The following ESRP1 variants were observed in gnomAD, a reference collection of about 807,000 sequenced individuals.
ESRP1 encodes the protein epithelial splicing regulatory protein 1, also known as RNA-binding motif protein 35A.
A neutral mutation model predicts 81.7 loss-of-function variants in ESRP1; 33 were observed. The observed-to-expected ratio is 0.40, with a 90% CI of 0.31 to 0.54. ESRP1 has a LOEUF of 0.54. Ranked by LOEUF, ESRP1 falls within the 20% of genes least tolerant of loss-of-function variation. The pLI is 0.41. For synonymous variants in ESRP1, 320 were observed against 303.3 expected (o/e 1.06, Z -0.57); for missense variants, 672 against 833.1 (o/e 0.81, Z 2.38).
At chr8:94,641,660 G>A (rs1003984499) in intron 1 of ESRP1, 1 of 765,530 alleles carries the variant, frequency 1.3e-6, no homozygotes, top group Non-Finnish European at 2.0e-6. Context: ...ACTTAGCTCA[G>A]GTGGAGAGGC....
chr8:94,692,412 C>G (rs1408760878), intron 13 of ESRP1, among the ~76,000 whole-genome samples: 1 of 152,102 alleles, frequency 6.6e-6, no homozygotes, highest in Non-Finnish European at 1.5e-5. Flanking sequence ...AGGCTTACTT[C>G]TGTCCTTCTC....
chr8:94,646,663 AT>A (rs992714424), intron 4 of ESRP1, among the ~76,000 whole-genome samples: 2 of 152,098 alleles, frequency 1.3e-5, no homozygotes, highest in Admixed American at 6.6e-5. Flanking sequence ...GAAGTCAATA[AT>A]TTTTTTAATT....
intron 3 of ESRP1, among the ~76,000 whole-genome samples, chr8:94,644,387 T>G (rs923296342): frequency 1.2e-4 from 18 of 152,206 alleles, no homozygotes; most frequent in Non-Finnish European, 2.9e-5. Context: ...GGCAAGTAAG[T>G]GCAGATTTTA....
In ESRP1 at chr8:94,641,255, G is replaced by C; in HGVS notation, c.-64G>C. ...AAGAGGGTTTAGCACAGGTTTTTTC[G>C]TTCTCACTTCCACACCACCTTACCG... On this transcript the variant is annotated 5_prime_UTR_variant, in exon 1 of 16. Coordinates refer to ENST00000433389, the MANE Select transcript of ESRP1 (RefSeq NM_017697.4). 1 of 1,515,990 alleles carries C rather than the reference G, an allele frequency of 6.6e-7. No homozygotes were observed. Among genetic ancestry groups the C allele is most frequent in the South Asian group, 1.2e-5 (1 of 83,288 alleles). 93.9% of individuals were successfully genotyped at this position (1,515,990 alleles called of 1,614,324 possible).
At chr8:94,691,281 C>CA (rs1050984587) in intron 13 of ESRP1, among the ~76,000 whole-genome samples, 4 of 151,972 alleles carry the variant, frequency 2.6e-5, no homozygotes, top group African/African-American at 9.6e-5. Flanking sequence ...AACAAACAAA[C>CA]AAAAAAACAC....
At chr8:94,681,488 G>A (rs540052610) in intron 13 of ESRP1, among the ~76,000 whole-genome samples, 2 of 151,712 alleles carry the variant, frequency 1.3e-5, no homozygotes, top group East Asian at 1.9e-4. Flanking sequence ...AATACAAAAA[G>A]TAGCTGGGTG....
At chr8:94,654,411 G>A (rs1475707060) in intron 4 of ESRP1, among the ~76,000 whole-genome samples, 1 of 152,046 alleles carries the variant, frequency 6.6e-6, no homozygotes, top group Non-Finnish European at 1.5e-5. Context: ...TGTTACCAAG[G>A]AGTCTCCTTT....
intron 11 of ESRP1, among the ~76,000 whole-genome samples, chr8:94,673,986 G>T (rs16916972): frequency 0.056 from 8,483 of 152,240 alleles, 306 homozygotes; most frequent in East Asian, 0.17. Flanking sequence ...AAAAAAACTA[G>T]TATACGATCC....
At chr8:94,641,860 A>G in intron 1 of ESRP1, 96 bp from the exon 2 acceptor site, 3 of 1,541,634 alleles carry the variant, frequency 1.9e-6, no homozygotes, top group South Asian at 1.2e-5. Context: ...ACCCCAAGAG[A>G]GGCGCGGGCC....
intron 4 of ESRP1, among the ~76,000 whole-genome samples, chr8:94,660,678 T>C (rs10107170): frequency 1 from 139,294 of 139,296 alleles, 69,646 homozygotes; most frequent in Middle Eastern, 1. Context: ...TGCCACTGCA[T>C]TCCAGCCTGG....
At chr8:94,667,068 G>GGGGTGTGTGTGTGTGT (rs1554577644) in intron 9 of ESRP1, among the ~76,000 whole-genome samples, 6,491 of 144,238 alleles carry the variant, frequency 0.045, 193 homozygotes, top group Non-Finnish European at 0.065. Context: ...CCAGGAGAGG[G>GGGGTGTGTGTGTGTGT]GTGTGTGTGT....
At chr8:94,648,986 C>T (rs999086568) in intron 4 of ESRP1, among the ~76,000 whole-genome samples, 14 of 152,100 alleles carry the variant, frequency 9.2e-5, no homozygotes, top group African/African-American at 3.1e-4. Flanking sequence ...TTTGGGAGGC[C>T]GAGGCAGGTG....
rs184789765 is a variant in ESRP1, at chr8:94,677,465, G to A, written c.1652-738G>A. 2.0e-3 allele frequency among the ~76,000 whole-genome samples: 298 copies of A among 152,326 alleles called. 2 individuals are homozygous for A. Among genetic ancestry groups the A allele is most frequent in the Admixed American group, 5.3e-3 (81 of 15,306 alleles). On this transcript the variant is annotated intron_variant, in intron 12 of 15. Coordinates refer to ENST00000433389, the MANE Select transcript of ESRP1 (RefSeq NM_017697.4). ...CCTAGAAGATGTTTGATAACCAGAA[G>A]ACAATGCAGTTGGGGCCCATTTTTT... is the stretch of plus-strand genomic sequence containing the variant.
At position 94,692,712 on chromosome 8, in the gene ESRP1, C is replaced by T; in HGVS notation, c.1856C>T (p.Pro619Leu). 2 of 1,613,958 alleles carry T rather than the reference C, an allele frequency of 1.2e-6. No individual in the cohort carries two copies. Among genetic ancestry groups the T allele is most frequent in the East Asian group, 4.5e-5 (2 of 44,882 alleles). The change falls in exon 14 of 16, where the codon CCT becomes CTT. Residue 619 changes from proline to leucine, a missense_variant. Physicochemically the swap from Pro to Leu is moderately conservative, Grantham distance 98 (BLOSUM62 -3). Transcript: ENST00000433389. ...TCGCCTAATAGTCTTGGCTACTTCC[C>T]TACAGCTGCTAATCTTAGCGGTGTC... ...PGSPNSLGYF[P>L]TAANLSGVPP...
chr8:94,699,308 A>G (rs1252931351), intron 15 of ESRP1, among the ~76,000 whole-genome samples: 1 of 152,120 alleles, frequency 6.6e-6, no homozygotes, highest in Admixed American at 6.5e-5. Flanking sequence ...TCATCATAAT[A>G]AAGTCAGGTT....
At chr8:94,667,866 G>A in intron 9 of ESRP1, 83 bp from the exon 10 acceptor site, 1 of 1,184,320 alleles carries the variant, frequency 8.4e-7, no homozygotes, top group Non-Finnish European at 1.2e-6. Flanking sequence ...CAAGACATTG[G>A]CAGGACTTTT....
At chr8:94,642,764 C>G (rs976411336) in intron 2 of ESRP1, among the ~76,000 whole-genome samples, 2 of 152,062 alleles carry the variant, frequency 1.3e-5, no homozygotes, top group Non-Finnish European at 2.9e-5. Context: ...TCGGGTAGGG[C>G]GGGGCGCTAA....
At chr8:94,663,601 G>A (rs1818867974) in intron 6 of ESRP1, among the ~76,000 whole-genome samples, 1 of 152,176 alleles carries the variant, frequency 6.6e-6, no homozygotes, top group Non-Finnish European at 1.5e-5. Context: ...ATGAAGTGGT[G>A]TCTGTTAGTG....
intron 15 of ESRP1, among the ~76,000 whole-genome samples, chr8:94,697,888 C>G (rs912384551): frequency 1.3e-5 from 2 of 152,104 alleles, no homozygotes; most frequent in Non-Finnish European, 2.9e-5. Context: ...TCAGGTGATT[C>G]TCCTGCCTCA....
Sources: allele counts gnomAD v4.1 joint callset (sites outside exome capture counted in the v4.1 genomes callset), GRCh38; gene constraint gnomAD v4.1.1; transcripts MANE v1.5; gene names NCBI Gene and HGNC (gene_info 2026-07-23, HGNC 2026-07-21).